Variants in TBC1D5 observed in about 807,000 individuals in gnomAD.
TBC1D5 encodes the protein TBC1 domain family, member 5.
Under a neutral mutation model 100.3 loss-of-function variants are expected in TBC1D5, and 75 were observed. That is an observed-to-expected ratio of 0.75 (90% CI 0.62 to 0.91). TBC1D5 has a LOEUF of 0.91. TBC1D5 is among the 40% of genes least tolerant of loss of function. The pLI is 0.00. For missense variants in TBC1D5, 910 were observed against 942.4 expected (o/e 0.97, Z 0.45); for synonymous variants, 323 against 325.6 (o/e 0.99, Z 0.09).
At chr3:17,544,608 G>A (rs1030803225) in intron 2 of TBC1D5, among the ~76,000 whole-genome samples, 3 of 143,308 alleles carry the variant, frequency 2.1e-5, no homozygotes, top group Non-Finnish European at 3.0e-5. Context: ...CCGAGATCGC[G>A]CCACTGCACT....
At chr3:17,207,944 CA>C (rs1194663645) in intron 18 of TBC1D5, among the ~76,000 whole-genome samples, 1 of 152,216 alleles carries the variant, frequency 6.6e-6, no homozygotes, top group Non-Finnish European at 1.5e-5. Flanking sequence ...AAGGTATCAT[CA>C]TATAGTTTAA....
At chr3:17,546,454 T>G (rs563453487) in intron 2 of TBC1D5, among the ~76,000 whole-genome samples, 1 of 152,154 alleles carries the variant, frequency 6.6e-6, no homozygotes, top group Non-Finnish European at 1.5e-5. Flanking sequence ...AGTTATCCAT[T>G]TGTTTTATCT....
intron 2 of TBC1D5, among the ~76,000 whole-genome samples, chr3:17,515,253 G>C (rs2095969417): frequency 6.6e-6 from 1 of 152,082 alleles, no homozygotes; most frequent in Non-Finnish European, 1.5e-5. Flanking sequence ...GTATGTTCAG[G>C]AACACCTGAC....
At chr3:17,694,347 G>GA (rs1560484825) in intron 1 of TBC1D5, among the ~76,000 whole-genome samples, 1 of 152,252 alleles carries the variant, frequency 6.6e-6, no homozygotes, top group East Asian at 1.9e-4. Context: ...TAAAAACCTT[G>GA]AAAAAATGTT....
chr3:17,271,365 T>C (rs1034171946), intron 15 of TBC1D5, among the ~76,000 whole-genome samples: 2 of 152,086 alleles, frequency 1.3e-5, no homozygotes, highest in Non-Finnish European at 2.9e-5. Flanking sequence ...TACTTTTCTG[T>C]GGCAATGGTG....
chr3:17,700,893 C>T lies in TBC1D5; in HGVS notation c.-101+38450G>A, dbSNP rs138617423. Among the ~76,000 whole-genome samples, 95 of 152,142 alleles carry T rather than the reference C, an allele frequency of 6.2e-4. 1 individual carries two copies. The highest frequency in any genetic ancestry group is 1.9e-3 in the African/African-American group (77 of 41,520). ...TTACACTGTTGGTGGGACTGTAAAC[C>T]AGTTCAACCATTGTGGAAGACAGTG... On this transcript the variant is annotated intron_variant, in intron 1 of 21. Coordinates refer to ENST00000253692, the Ensembl canonical transcript of TBC1D5.
intron 1 of TBC1D5, among the ~76,000 whole-genome samples, chr3:17,654,426 A>C (rs2065866486): frequency 6.6e-6 from 1 of 152,166 alleles, no homozygotes; most frequent in African/African-American, 2.4e-5. Context: ...ACTAACAAAA[A>C]CAATTATCTT....
chr3:17,193,143 G>A (rs564451028), intron 18 of TBC1D5, among the ~76,000 whole-genome samples: 2 of 152,294 alleles, frequency 1.3e-5, no homozygotes, highest in East Asian at 3.9e-4. Flanking sequence ...GGGTGGCCCG[G>A]TGAGGCATGA....
chr3:17,561,180 C>T (rs1276968182), intron 2 of TBC1D5, among the ~76,000 whole-genome samples: 2 of 152,010 alleles, frequency 1.3e-5, no homozygotes, highest in African/African-American at 2.4e-5. Context: ...AAATAATTCA[C>T]GAAGACATAT....
intron 1 of TBC1D5, among the ~76,000 whole-genome samples, chr3:17,682,442 T>C (rs1055082742): frequency 2.0e-5 from 3 of 151,530 alleles, no homozygotes; most frequent in Non-Finnish European, 4.4e-5. Context: ...ATCAGAGTTA[T>C]CATTTACTAA....
chr3:17,235,007 A>G (rs1181621118), intron 17 of TBC1D5, among the ~76,000 whole-genome samples: 1 of 152,172 alleles, frequency 6.6e-6, no homozygotes, highest in African/African-American at 2.4e-5. Context: ...TGTACTCTAA[A>G]TTCACTGATA....
Position 17,533,766 on chromosome 3 carries a change from T to C in TBC1D5, c.-35-25161A>G, listed in dbSNP as rs193107381. ...TGGATTTGGGTTTCTTTTAGTATTA[T>C]GTTATTCTACTTTTGCTTCTGAAAT... On this transcript the variant is annotated intron_variant, in intron 2 of 21. Coordinates refer to ENST00000253692, the Ensembl canonical transcript of TBC1D5. 6.4e-4 allele frequency among the ~76,000 whole-genome samples: 98 copies of C among 152,324 alleles called. 1 individual carries two copies. The highest frequency in any genetic ancestry group is 2.3e-3 in the African/African-American group (94 of 41,580).
chr3:17,459,241 C>A (rs945418618), intron 3 of TBC1D5, among the ~76,000 whole-genome samples: 12 of 152,134 alleles, frequency 7.9e-5, no homozygotes, highest in African/African-American at 2.7e-4. Context: ...TCATGGAATA[C>A]AATTTTTCCA....
In TBC1D5 at chr3:17,380,700, G is replaced by A. The variant is rs575786543; in HGVS notation, c.612+3213C>T. On this transcript the variant is annotated intron_variant, in intron 9 of 21. Transcript: ENST00000253692. ...TAACAAAAGTTTTCTTCAACAGCCTGTAGGTTCACAAAATTGAACCTGTTC... is the reference window on the plus strand; with the variant it reads ...TAACAAAAGTTTTCTTCAACAGCCTATAGGTTCACAAAATTGAACCTGTTC... Among the ~76,000 whole-genome samples the A allele has an allele frequency of 2.6e-5, 4 of 152,136 alleles. No homozygotes were observed. In the South Asian group the frequency reaches 8.3e-4, roughly 32 times the overall value.
At chr3:17,699,796 G>C (rs1257659203) in intron 1 of TBC1D5, among the ~76,000 whole-genome samples, 1 of 150,622 alleles carries the variant, frequency 6.6e-6, no homozygotes. Context: ...TGGGATTAAA[G>C]GAGTACTGTG....
At chr3:17,711,007 T>G (rs960278870) in intron 1 of TBC1D5, among the ~76,000 whole-genome samples, 2 of 152,178 alleles carry the variant, frequency 1.3e-5, no homozygotes, top group Non-Finnish European at 2.9e-5. Flanking sequence ...TGTTTTCATT[T>G]ATTTAATCCT....
chr3:17,235,038 A>G (rs2075748747), intron 17 of TBC1D5, among the ~76,000 whole-genome samples: 1 of 152,122 alleles, frequency 6.6e-6, no homozygotes, highest in Admixed American at 6.6e-5. Flanking sequence ...TACTTTCTGT[A>G]TCTTTGAAGG....
At chr3:17,331,677 T>C (rs1023647662) in intron 13 of TBC1D5, among the ~76,000 whole-genome samples, 32 of 152,182 alleles carry the variant, frequency 2.1e-4, no homozygotes, top group African/African-American at 7.2e-4. Flanking sequence ...GCCAGAATGT[T>C]AATAAAGAAG....
intron 18 of TBC1D5, among the ~76,000 whole-genome samples, chr3:17,185,564 G>A (rs1463109868): frequency 6.6e-6 from 1 of 152,082 alleles, no homozygotes; most frequent in African/African-American, 2.4e-5. Flanking sequence ...AATTAAGAGG[G>A]CAATCTGGAT....
Sources: gnomAD v4.1 joint callset for allele counts (sites outside exome capture counted in the v4.1 genomes callset) on GRCh38, gnomAD v4.1.1 for gene constraint, MANE v1.5 for transcripts, NCBI Gene and HGNC (gene_info 2026-07-23, HGNC 2026-07-21) for gene names.